MEGF6: variants seen among roughly 807,000 people sequenced by gnomAD.
MEGF6 encodes multiple EGF like domains 6.
Under a neutral mutation model 207.1 loss-of-function variants are expected in MEGF6, and 184 were observed. That is an observed-to-expected ratio of 0.89 (90% confidence interval 0.79 to 1.00). The LOEUF (loss-of-function observed/expected upper bound fraction) is 1.00, where lower values mean the gene tolerates loss of function less well. Ranked by LOEUF, MEGF6 falls within the 50% of genes least tolerant of loss-of-function variation. MEGF6 has a pLI of 0.00. For missense variants in MEGF6, 2,282 were observed against 2,202.9 expected (o/e 1.04, Z -0.72); for synonymous variants, 1,038 against 910.0 (o/e 1.14, Z -2.53).
rs757950858 is a variant in MEGF6, at chr1:3,493,890, G to A, written c.4268C>T (p.Pro1423Leu). 1.9e-6 allele frequency: 3 copies of A among 1,591,926 alleles called. No individual in the cohort carries two copies. The South Asian group carries it at 3.4e-5, about 18-fold the overall frequency. Residue 1423 changes from proline (P) to leucine (L), a missense_variant, in exon 34 of 37, where the codon CCA (proline) becomes CTA (leucine). Pro to Leu is a moderately conservative substitution (Grantham distance 98, BLOSUM62 -3). Coordinates refer to ENST00000356575, the MANE Select transcript of MEGF6 (RefSeq NM_001409.4). ...GTGGCAGCCCTCTCCAAATGAACCT[G>A]GCTCACACCCTGGTGGGGGCAGTGG... ...HGHFCERGCE[P>L]GSFGEGCHQR... is the part of the protein sequence containing the mutation.
At chr1:3,505,103 C>T (rs970772934) in intron 17 of MEGF6, 105 bp downstream of exon 17, 9 of 1,474,502 alleles carry the variant, frequency 6.1e-6, no homozygotes, top group African/African-American at 1.4e-5. Context: ...CAAAGGGGGC[C>T]GATAGTGACA....
At position 3,560,644 on chromosome 1, in the gene MEGF6, C is replaced by T; in HGVS notation, c.481+19181G>A. 3 of 438,920 alleles carry T rather than the reference C, an allele frequency of 6.8e-6. No homozygotes were observed. Among genetic ancestry groups the T allele is most frequent in the Admixed American group, 5.2e-5 (2 of 38,660 alleles). 27.2% of individuals were successfully genotyped at this position (438,920 alleles called of 1,614,324 possible). A position where few individuals can be genotyped will look rare whatever the true frequency, so the allele number is the denominator to read the frequency against. ...GAAAGGCTCTGGGGATCCGGGGTCC[C>T]TTCCCAGGCTTGGGGGAGGCTGGGT... is the stretch of plus-strand genomic sequence containing the variant. On this transcript the variant is annotated intron_variant, in intron 4 of 36. Coordinates refer to ENST00000356575, the MANE Select transcript of MEGF6 (RefSeq NM_001409.4). This position sits in a 1 kb window ranked among gnomAD's most constrained non-coding sequence, Gnocchi z 4.0.
intron 4 of MEGF6, among the ~76,000 whole-genome samples, chr1:3,572,262 G>A: frequency 2.9e-5 from 4 of 136,790 alleles, no homozygotes; most frequent in African/African-American, 8.4e-5. Context: ...GGTGTGCTGG[G>A]TCCTCCTGGG....
At chr1:3,541,762 A>T (rs1642529439) in intron 4 of MEGF6, among the ~76,000 whole-genome samples, 1 of 142,488 alleles carries the variant, frequency 7.0e-6, no homozygotes, top group Admixed American at 6.9e-5. Context: ...GGCAGCAGAG[A>T]GTGGGCGGGG....
chr1:3,499,482 G>A, intron 23 of MEGF6, 106 bp downstream of exon 23: 3 of 1,485,108 alleles, frequency 2.0e-6, no homozygotes. Flanking sequence ...CAGGGGGGTT[G>A]CCTGGTAGCT....
At chr1:3,607,213 C>T (rs1035692070) in intron 1 of MEGF6, among the ~76,000 whole-genome samples, 4 of 151,936 alleles carry the variant, frequency 2.6e-5, no homozygotes, top group South Asian at 4.2e-4. Flanking sequence ...AAGGACTCAC[C>T]GAGACCCCTT....
At chr1:3,512,186 G>C in intron 7 of MEGF6, 58 bp from the exon 8 acceptor site, 2 of 1,546,802 alleles carry the variant, frequency 1.3e-6, no homozygotes, top group Non-Finnish European at 1.8e-6. Context: ...CTTTGCATGG[G>C]ACCAGTGGAA....
intron 4 of MEGF6, among the ~76,000 whole-genome samples, chr1:3,542,145 C>T (rs577704001): frequency 1.3e-5 from 2 of 152,314 alleles, no homozygotes; most frequent in African/African-American, 4.8e-5. Flanking sequence ...GAGGGGTCAG[C>T]CGGGGTGGGA....
At chr1:3,575,237 C>T (rs1197364197) in intron 4 of MEGF6, among the ~76,000 whole-genome samples, 1 of 152,176 alleles carries the variant, frequency 6.6e-6, no homozygotes, top group Admixed American at 6.5e-5. Context: ...ACAGGTGGGA[C>T]CCGGGTGCAA....
intron 4 of MEGF6, among the ~76,000 whole-genome samples, chr1:3,572,002 G>T (rs71634344): frequency 1.4e-5 from 2 of 142,704 alleles, no homozygotes; most frequent in Admixed American, 1.4e-4. Flanking sequence ...TCTCCTGGGT[G>T]TGCTGGGTCC....
intron 3 of MEGF6, among the ~76,000 whole-genome samples, chr1:3,587,858 A>G (rs1351861631): frequency 7.2e-6 from 1 of 138,650 alleles, no homozygotes. Context: ...AGGAGGGGCC[A>G]GGAGGGGACA....
In MEGF6 at chr1:3,565,584, C is replaced by A. The variant is rs1352991052; in HGVS notation, c.481+14241G>T. Among the ~76,000 whole-genome samples the A allele has an allele frequency of 2.0e-5, 3 of 152,154 alleles. No individual in the cohort carries two copies. Among genetic ancestry groups the A allele is most frequent in the Non-Finnish European group, 4.4e-5 (3 of 68,006 alleles). On this transcript the variant is annotated intron_variant, in intron 4 of 36. Transcript: ENST00000356575. This position sits in a 1 kb window ranked among gnomAD's most constrained non-coding sequence, Gnocchi z 4.8. ...CTGCCTGGCCTGGCCCTGGACGGTC[C>A]CCATGGTAGGACCTGGGGCACAGCA... is the stretch of plus-strand genomic sequence containing the variant.
chr1:3,557,570 T>C (rs1643072205), intron 4 of MEGF6, among the ~76,000 whole-genome samples: 1 of 152,126 alleles, frequency 6.6e-6, no homozygotes, highest in African/African-American at 2.4e-5. Context: ...GCCAGAACAT[T>C]CCAACCCCAA....
At chr1:3,585,460 TGTGA>T (rs1643880264) in intron 3 of MEGF6, among the ~76,000 whole-genome samples, 2 of 142,074 alleles carry the variant, frequency 1.4e-5, no homozygotes, top group South Asian at 4.6e-4. Flanking sequence ...TGTGTGTGGG[TGTGA>T]GTGACACATG....
chr1:3,620,517 T>C, the MEGF6 span, among the ~76,000 whole-genome samples: 1 of 152,192 alleles, frequency 6.6e-6, no homozygotes, highest in Non-Finnish European at 1.5e-5. Flanking sequence ...AGAGGATGTA[T>C]GGAAACACCT....
chr1:3,534,631 T>A (rs1319533929), intron 4 of MEGF6, among the ~76,000 whole-genome samples: 1 of 152,166 alleles, frequency 6.6e-6, no homozygotes, highest in East Asian at 1.9e-4. Context: ...CCCGGCCCTT[T>A]GCTCCAGCAG....
the MEGF6 span, among the ~76,000 whole-genome samples, chr1:3,617,237 A>G: frequency 1.3e-5 from 2 of 151,504 alleles, no homozygotes; most frequent in Admixed American, 1.3e-4. Context: ...GTTTCAGACC[A>G]GGTGCTGACA....
chr1:3,602,196 C>CGGGCT (rs1557427184), intron 2 of MEGF6, among the ~76,000 whole-genome samples: 1 of 152,228 alleles, frequency 6.6e-6, no homozygotes, highest in Admixed American at 6.5e-5. Context: ...AGCATCCTCC[C>CGGGCT]GGGCTGGGCC....
chr1:3,581,685 G>A lies in MEGF6; in HGVS notation c.377-1756C>T, dbSNP rs527514025. 1.4e-4 allele frequency among the ~76,000 whole-genome samples: 21 copies of A among 152,248 alleles called. No individual in the cohort carries two copies. The South Asian group carries it at 2.9e-3, about 21-fold the overall frequency. On this transcript the variant is annotated intron_variant, in intron 3 of 36. Transcript: ENST00000356575. ...CAAATAGCCAAGACCAATCACCCCCGGGTGGGGAGCAGGTGCCGGCCTGGA... is the reference window on the plus strand; with the variant it reads ...CAAATAGCCAAGACCAATCACCCCCAGGTGGGGAGCAGGTGCCGGCCTGGA...
Sources: gnomAD v4.1 joint callset for allele counts (sites outside exome capture counted in the v4.1 genomes callset) on GRCh38, gnomAD v4.1.1 for gene constraint, Gnocchi (gnomAD v3.1) non-coding constraint, MANE v1.5 for transcripts, NCBI Gene and HGNC (gene_info 2026-07-23, HGNC 2026-07-21) for gene names.